Variants in ZNF644 observed in about 807,000 individuals in gnomAD.
ZNF644 encodes the protein zinc finger motif enhancer binding protein 2.
A neutral mutation model predicts 108.0 loss-of-function variants in ZNF644; 20 were observed. The observed-to-expected ratio is 0.19, with a 90% CI of 0.13 to 0.27. The LOEUF is 0.27. Among genes scored for constraint, ZNF644 ranks in the 10% least tolerant of loss-of-function variants. The pLI is 1.00. For synonymous variants in ZNF644, 542 were observed against 539.1 expected (o/e 1.01, Z -0.08); for missense variants, 1,338 against 1,548.9 (o/e 0.86, Z 2.29).
At chr1:91,018,718 C>T (rs1660639537) in intron 1 of ZNF644, among the ~76,000 whole-genome samples, 1 of 152,110 alleles carries the variant, frequency 6.6e-6, no homozygotes, top group Non-Finnish European at 1.5e-5. Flanking sequence ...ATAAGTAACA[C>T]TAAAAAACAA....
intron 1 of ZNF644, chr1:91,021,742 G>A (rs930879178): frequency 8.5e-6 from 2 of 236,594 alleles, no homozygotes; most frequent in African/African-American, 2.4e-5. Flanking sequence ...CCCGAACCCG[G>A]GGCCCGGGCT....
rs930008903 is a variant in ZNF644, at chr1:90,939,368, C to T, written c.1986G>A (p.Lys662=). ...ATTGTGAGGTTGATCCAAATGTTCGCTTCACATCTTGTTTTAAAGCAGAGT... is the reference window on the plus strand; with the variant it reads ...ATTGTGAGGTTGATCCAAATGTTCGTTTCACATCTTGTTTTAAAGCAGAGT... ...PKNSALKQDV[K]RTFGSTSQSS... is the part of the protein sequence containing the mutation. The change falls in exon 3 of 6, where the codon AAG becomes AAA. Residue 662 remains lysine, a synonymous_variant. Transcript: ENST00000337393. 4 of 1,613,960 alleles carry T rather than the reference C, an allele frequency of 2.5e-6. No individual in the cohort carries two copies. Among genetic ancestry groups the T allele is most frequent in the East Asian group, 4.5e-5 (2 of 44,862 alleles).
chr1:90,989,547 A>C (rs1480917108), intron 1 of ZNF644, among the ~76,000 whole-genome samples: 1 of 152,184 alleles, frequency 6.6e-6, no homozygotes, highest in Non-Finnish European at 1.5e-5. Flanking sequence ...TGTTCCAAAA[A>C]AAATATTGTA....
rs1648680883 is a variant in ZNF644 at position 90,915,587 on chromosome 1, A to C, written c.*1211T>G. On this transcript the variant is annotated 3_prime_UTR_variant, in exon 6 of 6. Transcript: ENST00000337393. ...AAAATACCTAATTGTTTTTGGAAAAAATTTTTAAAAAGAATCACAATTTAT... is the reference window on the plus strand; with the variant it reads ...AAAATACCTAATTGTTTTTGGAAAACATTTTTAAAAAGAATCACAATTTAT... The C allele has an allele frequency of 6.6e-6, 1 of 152,550 alleles. No individual in the cohort carries two copies. Among genetic ancestry groups the C allele is most frequent in the Non-Finnish European group, 1.5e-5 (1 of 67,990 alleles). The allele number at this position is 152,550 out of a possible 1,614,324, so 9.4% of individuals were successfully genotyped here.
At chr1:90,925,506 T>C (rs138104606) in intron 4 of ZNF644, among the ~76,000 whole-genome samples, 124 of 151,774 alleles carry the variant, frequency 8.2e-4, no homozygotes, top group Non-Finnish European at 1.3e-3. Flanking sequence ...ATTTTCTGAA[T>C]CTCATTATTT....
intron 1 of ZNF644, among the ~76,000 whole-genome samples, chr1:91,005,464 T>C (rs1438638537): frequency 6.6e-6 from 1 of 152,170 alleles, no homozygotes; most frequent in African/African-American, 2.4e-5. Context: ...CTATAAACTC[T>C]ACAGAATACT....
At chr1:91,008,798 T>G (rs1659678188) in intron 1 of ZNF644, among the ~76,000 whole-genome samples, 1 of 152,168 alleles carries the variant, frequency 6.6e-6, no homozygotes, top group African/African-American at 2.4e-5. Flanking sequence ...CTTGCTGCAG[T>G]TAAATGGTAA....
At chr1:90,953,296 C>T (rs1653384393) in intron 2 of ZNF644, among the ~76,000 whole-genome samples, 2 of 106,258 alleles carry the variant, frequency 1.9e-5, no homozygotes, top group Admixed American at 1.0e-4. Context: ...AAATGAGCCA[C>T]CATTTTTTTT....
chr1:90,923,639 T>C (rs1204096043), intron 4 of ZNF644, among the ~76,000 whole-genome samples: 1 of 152,174 alleles, frequency 6.6e-6, no homozygotes, highest in African/African-American at 2.4e-5. Context: ...TAAATAACTT[T>C]CATTAATTTT....
intron 1 of ZNF644, among the ~76,000 whole-genome samples, chr1:91,017,099 C>T (rs1660497070): frequency 6.6e-6 from 1 of 152,126 alleles, no homozygotes; most frequent in Admixed American, 6.5e-5. Context: ...TCCCAAAGTG[C>T]TGGGATTACA....
intron 2 of ZNF644, among the ~76,000 whole-genome samples, chr1:90,958,208 C>T (rs74994367): frequency 0.11 from 14,950 of 134,096 alleles, 906 homozygotes; most frequent in East Asian, 0.15. Context: ...TGCACCCCAA[C>T]CTGGGCGACA....
intron 2 of ZNF644, among the ~76,000 whole-genome samples, chr1:90,952,307 A>C (rs1290439273): frequency 2.0e-5 from 3 of 152,216 alleles, no homozygotes; most frequent in African/African-American, 7.2e-5. Context: ...TTATGCATAC[A>C]ATGTACTGTA....
chr1:90,943,283 T>C (rs1237185657), intron 2 of ZNF644, among the ~76,000 whole-genome samples: 1 of 151,414 alleles, frequency 6.6e-6, no homozygotes, highest in African/African-American at 2.4e-5. Flanking sequence ...CTACTAAAAA[T>C]AAAAAAAATT....
At chr1:90,984,742 G>T (rs972653328) in intron 1 of ZNF644, among the ~76,000 whole-genome samples, 2 of 152,060 alleles carry the variant, frequency 1.3e-5, no homozygotes, top group Non-Finnish European at 2.9e-5. Flanking sequence ...CAGAGGGCAG[G>T]CTCTCTGCAA....
chr1:90,991,612 T>C (rs1326367950), intron 1 of ZNF644, among the ~76,000 whole-genome samples: 1 of 152,070 alleles, frequency 6.6e-6, no homozygotes. Context: ...CCTGCAATCA[T>C]GGCAGAAGAC....
rs771738885 is a variant in ZNF644 at position 90,938,483 on chromosome 1, A to G, written c.2871T>C (p.Asp957=). ...GACACGATTTCTTCTCAAGAGACAA[A>G]TCAGTCCAATGAAAAACAGAACTAT... ...SKHSSVFHWT[D]LSLEKKSCPY... Residue 957 remains aspartate, a synonymous_variant, in exon 3 of 6, where the codon GAT becomes GAC. Coordinates refer to ENST00000337393, the MANE Select transcript of ZNF644 (RefSeq NM_201269.3). The surrounding 1 kb of genome is among the most constrained non-coding windows in gnomAD (Gnocchi z 4.2). The G allele has an allele frequency of 6.2e-7, 1 of 1,614,012 alleles. No individual in the cohort carries two copies. Among genetic ancestry groups the G allele is most frequent in the Non-Finnish European group, 8.5e-7 (1 of 1,179,930 alleles).
Position 90,940,269 on chromosome 1 carries a change from T to C in ZNF644, c.1085A>G (p.His362Arg), listed in dbSNP as rs1393096382. 2 of 1,613,984 alleles carry C rather than the reference T, an allele frequency of 1.2e-6. No individual in the cohort carries two copies. The highest frequency in any genetic ancestry group is 1.7e-6 in the Non-Finnish European group (2 of 1,179,942). Residue 362 changes from histidine (H) to arginine (R), a missense_variant, in exon 3 of 6, where the codon CAT becomes CGT. His to Arg is a conservative substitution (Grantham distance 29). Coordinates refer to ENST00000337393, the MANE Select transcript of ZNF644 (RefSeq NM_201269.3). ...EDLESVDAFQHLIYNPDKCGE... is the reference protein window; with the variant it reads ...EDLESVDAFQRLIYNPDKCGE... ...ACACTTATCTGGGTTATAAATTAGATGTTGGAAGGCATCCACAGATTCTAA... is the reference window on the plus strand; with the variant it reads ...ACACTTATCTGGGTTATAAATTAGACGTTGGAAGGCATCCACAGATTCTAA...
chr1:90,921,677 C>T (rs180892220), intron 4 of ZNF644, among the ~76,000 whole-genome samples: 9 of 151,240 alleles, frequency 6.0e-5, no homozygotes, highest in African/African-American at 1.7e-4. Flanking sequence ...TATAAAAGAT[C>T]TAAATTGCTA....
chr1:90,917,975 A>T, intron 5 of ZNF644, 77 bp downstream of exon 5: 1 of 1,257,560 alleles, frequency 8.0e-7, no homozygotes, highest in Non-Finnish European at 1.2e-6. Context: ...CAAATTAAAA[A>T]TCCCAAATGA....
Sources: gnomAD v4.1 joint callset for allele counts (sites outside exome capture counted in the v4.1 genomes callset) on GRCh38, gnomAD v4.1.1 for gene constraint, Gnocchi (gnomAD v3.1) non-coding constraint, MANE v1.5 for transcripts, NCBI Gene and HGNC (gene_info 2026-07-23, HGNC 2026-07-21) for gene names.